Variants in ZBTB7C observed in about 807,000 individuals in gnomAD.
ZBTB7C encodes the protein zinc finger and BTB domain containing 7C.
In ZBTB7C, 8 loss-of-function variants were observed where a neutral mutation model predicts 25.7. The ratio of observed to expected loss-of-function variants is 0.31; its 90% CI spans 0.18 to 0.56. ZBTB7C has a LOEUF of 0.56. ZBTB7C is among the 20% of genes least tolerant of loss of function. The probability of loss-of-function intolerance (pLI) is 0.91; values close to 1 mark genes in which losing one functional copy is unlikely to be tolerated. For missense variants in ZBTB7C, 824 were observed against 855.2 expected (o/e 0.96, Z 0.46); for synonymous variants, 394 against 369.0 (o/e 1.07, Z -0.78).
chr18:48,268,617 T>C (rs2144556966), intron 2 of ZBTB7C, among the ~76,000 whole-genome samples: 1 of 152,260 alleles, frequency 6.6e-6, no homozygotes, highest in South Asian at 2.1e-4. Context: ...CTCAATAAAC[T>C]GGCTTAGCAG....
intron 1 of ZBTB7C, among the ~76,000 whole-genome samples, chr18:48,370,330 A>C (rs1273371724): frequency 6.6e-6 from 1 of 152,266 alleles, no homozygotes; most frequent in Non-Finnish European, 1.5e-5. Context: ...AAAGGATTAC[A>C]TAAGTATTAT....
At chr18:48,042,406 CCTTAT>C (rs2036288398) in intron 3 of ZBTB7C, among the ~76,000 whole-genome samples, 1 of 152,176 alleles carries the variant, frequency 6.6e-6, no homozygotes, top group Admixed American at 6.5e-5. Flanking sequence ...AAGCCCTGGC[CCTTAT>C]CTTGGTACAA....
chr18:48,120,454 T>C (rs1322496489), intron 3 of ZBTB7C, among the ~76,000 whole-genome samples: 1 of 151,972 alleles, frequency 6.6e-6, no homozygotes, highest in Non-Finnish European at 1.5e-5. Context: ...GGCAAAACCT[T>C]ATCTCTACCA....
intron 1 of ZBTB7C, among the ~76,000 whole-genome samples, chr18:48,394,007 C>A (rs1488106974): frequency 6.6e-6 from 1 of 152,114 alleles, no homozygotes; most frequent in Non-Finnish European, 1.5e-5. Flanking sequence ...CTTGGTGGCC[C>A]CAGGTCAACA....
chr18:48,403,980 T>C (rs1188696700), intron 1 of ZBTB7C, among the ~76,000 whole-genome samples: 1 of 151,942 alleles, frequency 6.6e-6, no homozygotes, highest in Admixed American at 6.6e-5. Flanking sequence ...TGGCGAGGCA[T>C]GGTAGCTGAC....
chr18:48,145,980 T>C (rs1195376805), intron 3 of ZBTB7C, among the ~76,000 whole-genome samples: 2 of 152,238 alleles, frequency 1.3e-5, no homozygotes, highest in East Asian at 3.8e-4. Context: ...TAAAACCAGC[T>C]ATATCTTTTG....
chr18:48,317,196 C>T (rs1197620262), intron 2 of ZBTB7C, among the ~76,000 whole-genome samples: 2 of 148,692 alleles, frequency 1.3e-5, no homozygotes, highest in Non-Finnish European at 3.0e-5. Context: ...TCACTTGAAC[C>T]CAGTAAGCTG....
At chr18:48,227,785 G>T (rs2043142641) in intron 2 of ZBTB7C, among the ~76,000 whole-genome samples, 1 of 152,176 alleles carries the variant, frequency 6.6e-6, no homozygotes, top group Non-Finnish European at 1.5e-5. Context: ...ATTAAGAAAA[G>T]AAAAATTATA....
Position 48,214,477 on chromosome 18 carries a change from G to A in ZBTB7C, c.-78-28482C>T, listed in dbSNP as rs559176943. 7.9e-5 allele frequency among the ~76,000 whole-genome samples: 12 copies of A among 152,260 alleles called. No individual in the cohort carries two copies. The East Asian group carries it at 1.9e-3, about 24-fold the overall frequency. On this transcript the variant is annotated intron_variant, in intron 2 of 4. Transcript: ENST00000590800. ...TGGCAGGACTGGTTTCAAAAGATAC[G>A]GGTCACAAAGCCCCTGCTGATAAAA...
chr18:48,306,469 C>T (rs1469926181), intron 2 of ZBTB7C, among the ~76,000 whole-genome samples: 2 of 152,158 alleles, frequency 1.3e-5, no homozygotes, highest in African/African-American at 4.8e-5. Context: ...ACCATATCAC[C>T]GCTAGTCTCC....
intron 3 of ZBTB7C, among the ~76,000 whole-genome samples, chr18:48,087,344 C>T (rs146721499): frequency 1.9e-3 from 292 of 152,374 alleles, no homozygotes; most frequent in African/African-American, 6.8e-3. Flanking sequence ...TCCCTTAAAA[C>T]ACAATTCCTG....
At chr18:48,191,794 T>C (rs1315095203) in intron 2 of ZBTB7C, among the ~76,000 whole-genome samples, 1 of 152,146 alleles carries the variant, frequency 6.6e-6, no homozygotes, top group African/African-American at 2.4e-5. Flanking sequence ...CCTCCCAGGA[T>C]CCTTCAGAGG....
rs931144208 is a variant in ZBTB7C at position 48,386,685 on chromosome 18, C to T, written c.-304+22541G>A. Among the ~76,000 whole-genome samples the T allele has an allele frequency of 3.5e-4, 53 of 152,330 alleles. 1 individual carries two copies. Among genetic ancestry groups the T allele is most frequent in the African/African-American group, 1.2e-3 (51 of 41,586 alleles). ...TGGTTACGTGAATAAATTCAAGAGC[C>T]ACACATTGCCCCGTCTCTGCAAGGA... On this transcript the variant is annotated intron_variant, in intron 1 of 4. Coordinates refer to ENST00000590800, the MANE Select transcript of ZBTB7C (RefSeq NM_001318841.2).
intron 3 of ZBTB7C, among the ~76,000 whole-genome samples, chr18:48,043,112 A>G (rs570796622): frequency 6.6e-6 from 1 of 152,366 alleles, no homozygotes; most frequent in Non-Finnish European, 1.5e-5. Flanking sequence ...GGATGTGGAG[A>G]AAAGGATCAC....
chr18:48,157,761 C>T (rs1464810251), intron 3 of ZBTB7C, among the ~76,000 whole-genome samples: 1 of 152,160 alleles, frequency 6.6e-6, no homozygotes, highest in Non-Finnish European at 1.5e-5. Flanking sequence ...CTGTAAAGTG[C>T]TTAGAACACC....
intron 2 of ZBTB7C, among the ~76,000 whole-genome samples, chr18:48,323,845 AC>A (rs2046153387): frequency 6.6e-6 from 1 of 152,172 alleles, no homozygotes. Context: ...TTTATTTACA[AC>A]TGTGATGCTA....
At chr18:48,115,394 A>G (rs1288219895) in intron 3 of ZBTB7C, among the ~76,000 whole-genome samples, 1 of 149,410 alleles carries the variant, frequency 6.7e-6, no homozygotes, top group Non-Finnish European at 1.5e-5. Flanking sequence ...GACTACAGGC[A>G]CCCGCCACCG....
chr18:48,060,071 C>T (rs757839899), intron 3 of ZBTB7C, among the ~76,000 whole-genome samples: 1 of 151,930 alleles, frequency 6.6e-6, no homozygotes, highest in East Asian at 1.9e-4. Flanking sequence ...TTTTTTCGGC[C>T]GGGTGGGTGG....
intron 1 of ZBTB7C, among the ~76,000 whole-genome samples, chr18:48,380,228 G>A (rs991192816): frequency 1.3e-5 from 2 of 152,186 alleles, no homozygotes; most frequent in African/African-American, 4.8e-5. Context: ...GAATGTATAA[G>A]ACTAAAGGCA....
Sources: allele counts gnomAD v4.1 joint callset (sites outside exome capture counted in the v4.1 genomes callset), GRCh38; gene constraint gnomAD v4.1.1; transcripts MANE v1.5; gene names NCBI Gene and HGNC (gene_info 2026-07-23, HGNC 2026-07-21).